The following CARD10 variants were observed in gnomAD, a reference collection of about 807,000 sequenced individuals.
CARD10 encodes the protein caspase recruitment domain-containing protein 10.
A neutral mutation model predicts 114.6 loss-of-function variants in CARD10; 49 were observed. That is an observed-to-expected ratio of 0.43 (90% CI 0.34 to 0.54). The LOEUF is 0.54. Ranked by LOEUF, CARD10 falls within the 20% of genes least tolerant of loss-of-function variation. The probability of loss-of-function intolerance (pLI) is 0.03; values close to 1 mark genes in which losing one functional copy is unlikely to be tolerated. For synonymous variants in CARD10, 602 were observed against 593.2 expected, an observed-to-expected ratio of 1.01 and a Z score of -0.21; for missense variants, 1,206 against 1,397.2, an observed-to-expected ratio of 0.86 and a Z score of 2.18.
At chr22:37,512,442 A>G (rs1923685092) in intron 3 of CARD10, among the ~76,000 whole-genome samples, 1 of 133,976 alleles carries the variant, frequency 7.5e-6, no homozygotes. Flanking sequence ...CAGCCTTGAG[A>G]GGTTAGAATG....
intron 3 of CARD10, chr22:37,514,569 C>G (rs1465420656): frequency 1.3e-5 from 2 of 152,466 alleles, no homozygotes; most frequent in Non-Finnish European, 2.9e-5. Flanking sequence ...CTGGTGGCCT[C>G]AACACCCCCA....
intron 15 of CARD10, chr22:37,494,559 A>C: frequency 7.7e-6 from 2 of 259,832 alleles, no homozygotes; most frequent in Non-Finnish European, 1.5e-5. Flanking sequence ...TGAATTAGCA[A>C]TGTGACCTTG....
At position 37,490,856 on chromosome 22, in the gene CARD10, C is replaced by G. The variant is rs1269093180; in HGVS notation, c.*303G>C. ...ACCTGCGCACAGGTGTGAGAACAGACTCCAGGGCGAGTGTTTAAGGAGAAG... is the reference window on the plus strand; with the variant it reads ...ACCTGCGCACAGGTGTGAGAACAGAGTCCAGGGCGAGTGTTTAAGGAGAAG... On this transcript the variant is annotated 3_prime_UTR_variant, in exon 20 of 20. Transcript: ENST00000251973. 1 of 437,408 alleles carries G rather than the reference C, an allele frequency of 2.3e-6. No individual in the cohort carries two copies. Among genetic ancestry groups the G allele is most frequent in the African/African-American group, 2.0e-5 (1 of 50,100 alleles). The allele number at this position is 437,408 out of a possible 1,614,324, so 27.1% of individuals were successfully genotyped here.
chr22:37,492,854 C>A lies in CARD10; in HGVS notation c.2477-52G>T, dbSNP rs757570334. The A allele has an allele frequency of 7.0e-6, 11 of 1,575,758 alleles. No individual in the cohort carries two copies. Among genetic ancestry groups the A allele is most frequent in the Non-Finnish European group, 9.4e-6 (11 of 1,165,026 alleles). On this transcript the variant is annotated intron_variant, in intron 16 of 19. Coordinates refer to ENST00000251973, the MANE Select transcript of CARD10 (RefSeq NM_014550.4). The surrounding 1 kb of genome is among the most constrained non-coding windows in gnomAD (Gnocchi z 5.7). ...GATAAGGGCACAGGCAGGCAGCATA[C>A]CAGCTCGTCGATACCCCAAAACCCA...
chr22:37,500,704 G>T (rs990039567), intron 11 of CARD10, among the ~76,000 whole-genome samples: 1 of 152,194 alleles, frequency 6.6e-6, no homozygotes, highest in African/African-American at 2.4e-5. Context: ...CCAGCTCCGA[G>T]GGGCCTGTGA....
rs201810012 is a variant in CARD10 at position 37,497,101 on chromosome 22, G to A, written c.1865C>T (p.Ser622Leu). Residue 622 changes from serine (S) to leucine (L), a missense_variant, in exon 12 of 20, where the codon TCG (serine) becomes TTG (leucine). Transcript: ENST00000251973. ...CCCAGACCATCTGTCCCCATAAAAC[G>A]ACAGTCCATCTGGTCCCTTGTCCTG... The part of the protein sequence containing the change: ...EPQDKGPDGL[S>L]FYGDRWSGAV... 6.9e-5 allele frequency: 112 copies of A among 1,614,206 alleles called. No individual in the cohort carries two copies. In the South Asian group the frequency reaches 9.3e-4, roughly 13 times the overall value.
chr22:37,519,341 A>AC lies in CARD10; in HGVS notation c.-142dup. On this transcript the variant is annotated 5_prime_UTR_variant, in exon 1 of 20. Transcript: ENST00000251973. The surrounding 1 kb of genome is among the most constrained non-coding windows in gnomAD (Gnocchi z 4.1). ...GCGCGCCCCGAGCTCCCCGCGACTC[A>AC]CCCCGCACGCTACAGTCGCCTCGGG... The AC allele has an allele frequency of 3.0e-6, 4 of 1,312,006 alleles. No individual in the cohort carries two copies. The highest frequency in any genetic ancestry group is 2.9e-6 in the Non-Finnish European group (3 of 1,032,956). 81.3% of individuals were successfully genotyped at this position (1,312,006 alleles called of 1,614,324 possible).
intron 2 of CARD10, 46 bp downstream of exon 2, chr22:37,517,925 G>A: frequency 6.3e-7 from 1 of 1,597,148 alleles, no homozygotes; most frequent in Non-Finnish European, 8.6e-7. Context: ...AAAGGAGCCT[G>A]TGCACTGGAG....
chr22:37,495,517 AT>A lies in CARD10; in HGVS notation c.2372del (p.Asn791IlefsTer2), dbSNP rs1380479110. Reference protein sequence around the residue: ...PSSRHRGPRSNLKKRALDQLR... With the variant: ...PSSRHRGPRSXLKKRALDQLR... ...CCACTACCTGCCCAGCCGTGCTCAC[AT>A]TACTGCGGGGGCCTCGGTGCCGGCT... On this transcript the variant is annotated frameshift_variant and splice_region_variant, in exon 15 of 20. Transcript: ENST00000251973. LOFTEE classifies it high-confidence loss of function. 6.2e-7 allele frequency: 1 copy of A among 1,610,374 alleles called. No individual in the cohort carries two copies.
chr22:37,502,571 CA>C (rs780107685), intron 11 of CARD10, 30 bp downstream of exon 11: 6 of 1,608,506 alleles, frequency 3.7e-6, no homozygotes, highest in Non-Finnish European at 5.1e-6. Context: ...GCAATCACCC[CA>C]GCTCCACCCA....
In CARD10 at chr22:37,495,955, C is replaced by G; in HGVS notation, c.2108G>C (p.Gly703Ala). The change falls in exon 14 of 20, where the codon GGT (glycine) becomes GCT (alanine). Residue 703 changes from glycine to alanine, a missense_variant. Transcript: ENST00000251973. ...EALEAWAKGP[G>A]AEPFYIRANL... ...GGCACGAATGTAGAAGGGCTCGGCACCTGGTCCCTTTGCCCAGGCTTCTAG... is the reference window on the plus strand; with the variant it reads ...GGCACGAATGTAGAAGGGCTCGGCAGCTGGTCCCTTTGCCCAGGCTTCTAG... 3 of 1,614,162 alleles carry G rather than the reference C, an allele frequency of 1.9e-6. No homozygotes were observed. The highest frequency in any genetic ancestry group is 2.5e-6 in the Non-Finnish European group (3 of 1,180,036).
At chr22:37,503,145 G>A (rs199710237) in intron 10 of CARD10, 40 bp downstream of exon 10, 194 of 1,604,356 alleles carry the variant, frequency 1.2e-4, no homozygotes, top group Non-Finnish European at 1.5e-4. Flanking sequence ...CACCTCCCCC[G>A]ACCAGAGGAG....
chr22:37,503,896 A>C (rs920164439), intron 9 of CARD10: 2 of 546,012 alleles, frequency 3.7e-6, no homozygotes, highest in Non-Finnish European at 6.9e-6. Flanking sequence ...CTGAACCATC[A>C]AGCTTCTCCT....
chr22:37,508,049 C>A, intron 5 of CARD10, 95 bp from the exon 6 acceptor site: 1 of 1,478,690 alleles, frequency 6.8e-7, no homozygotes, highest in Non-Finnish European at 9.3e-7. Flanking sequence ...GAGACGCTCA[C>A]CAACAGTCTG....
intron 15 of CARD10, 103 bp downstream of exon 15, chr22:37,495,414 G>A (rs1436166913): frequency 9.6e-6 from 8 of 829,538 alleles, no homozygotes; most frequent in Non-Finnish European, 1.5e-5. Context: ...AGGGAAGGAG[G>A]GAGGGAGTGT....
rs572530049 is a variant in CARD10, at chr22:37,499,016, G to A, written c.1788-1838C>T. Among the ~76,000 whole-genome samples the A allele has an allele frequency of 3.5e-3, 531 of 152,188 alleles. 5 individuals carry two copies. Among genetic ancestry groups the A allele is most frequent in the African/African-American group, 0.012 (504 of 41,512 alleles). On this transcript the variant is annotated intron_variant, in intron 11 of 19. Transcript: ENST00000251973. Reference sequence around the variant, plus strand: ...CCTTAGTGGCTGGTAACATTCACTGGGTTGCGACTGGGACAGCTGGATAAT... The same window carrying A: ...CCTTAGTGGCTGGTAACATTCACTGAGTTGCGACTGGGACAGCTGGATAAT...
chr22:37,502,799 AC>A (rs1235188627), intron 10 of CARD10, 74 bp from the exon 11 acceptor site: 16 of 1,517,692 alleles, frequency 1.1e-5, no homozygotes, highest in Admixed American at 1.0e-4. Flanking sequence ...ACAGGGACTG[AC>A]CCCCCTCCAG....
intron 3 of CARD10, 88 bp from the exon 4 acceptor site, chr22:37,510,509 G>C: frequency 8.4e-7 from 1 of 1,193,448 alleles, no homozygotes; most frequent in Non-Finnish European, 1.2e-6. Flanking sequence ...CCTCACTCCT[G>C]GGTGCCTCCC....
Position 37,507,917 on chromosome 22 carries a change from C to T in CARD10, c.1103G>A (p.Arg368His), listed in dbSNP as rs150236189. Residue 368 changes from arginine to histidine, a missense_variant, in exon 6 of 20, where the codon CGC becomes CAC. Transcript: ENST00000251973. ...QEMEDLRLKH[R>H]TLQKDCDLYK... ...CAGGTCACAGTCCTTCTGCAGCGTG[C>T]GGTGCTTGAGCCGCAGGTCTTCCAT... The T allele has an allele frequency of 1.2e-5, 20 of 1,613,956 alleles. No homozygotes were observed. The African/African-American group carries it at 1.3e-4, about 11-fold the overall frequency.
Sources: allele counts gnomAD v4.1 joint callset (sites outside exome capture counted in the v4.1 genomes callset), GRCh38; gene constraint gnomAD v4.1.1; non-coding constraint Gnocchi (gnomAD v3.1); transcripts MANE v1.5; gene names NCBI Gene and HGNC (gene_info 2026-07-23, HGNC 2026-07-21).